NKAIN3: variants seen among roughly 807,000 people sequenced by gnomAD.
NKAIN3 encodes the protein sodium/potassium-transporting ATPase subunit beta-1-interacting protein 3.
In NKAIN3, 25 loss-of-function variants were observed where a neutral mutation model predicts 30.2. That is an observed-to-expected ratio of 0.83 (90% CI 0.60 to 1.16). The LOEUF is 1.16. Ranked by LOEUF, NKAIN3 falls within the 50% of genes most tolerant of loss-of-function variation. The pLI is 0.00. For synonymous variants in NKAIN3, 91 were observed against 89.6 expected, an observed-to-expected ratio of 1.02 and a Z score of -0.09; for missense variants, 225 against 254.1, an observed-to-expected ratio of 0.89 and a Z score of 0.78.
chr8:62,492,376 C>T (rs1004576059), intron 1 of NKAIN3, among the ~76,000 whole-genome samples: 2 of 152,108 alleles, frequency 1.3e-5, no homozygotes, highest in African/African-American at 2.4e-5. Context: ...AGCCCCACCT[C>T]AATTCTACTG....
intron 4 of NKAIN3, among the ~76,000 whole-genome samples, chr8:62,872,434 G>A (rs925252552): frequency 1.3e-5 from 2 of 152,176 alleles, no homozygotes; most frequent in African/African-American, 2.4e-5. Flanking sequence ...GTAACATCTA[G>A]GGTATGTAAA....
At chr8:62,909,491 C>T (rs761244753) in intron 4 of NKAIN3, among the ~76,000 whole-genome samples, 2 of 152,036 alleles carry the variant, frequency 1.3e-5, no homozygotes, top group Non-Finnish European at 2.9e-5. Flanking sequence ...ATGTTATTTA[C>T]TTTGCCTGTG....
chr8:62,403,236 C>T (rs11778088), intron 1 of NKAIN3, among the ~76,000 whole-genome samples: 345 of 152,160 alleles, frequency 2.3e-3, no homozygotes, highest in African/African-American at 4.9e-3. Context: ...AGAGGAAGCA[C>T]GCCTAAAAGT....
At chr8:62,532,631 C>T (rs932019418) in intron 1 of NKAIN3, among the ~76,000 whole-genome samples, 5 of 152,222 alleles carry the variant, frequency 3.3e-5, no homozygotes, top group African/African-American at 9.6e-5. Flanking sequence ...GGATGAACAC[C>T]GTATTGAGCA....
chr8:62,853,585 A>C (rs1171720788), intron 4 of NKAIN3, among the ~76,000 whole-genome samples: 1 of 151,988 alleles, frequency 6.6e-6, no homozygotes, highest in Non-Finnish European at 1.5e-5. Context: ...TGTTTATTTG[A>C]ATCTTCTCTA....
At chr8:62,534,711 G>T (rs973738912) in intron 1 of NKAIN3, among the ~76,000 whole-genome samples, 1 of 152,146 alleles carries the variant, frequency 6.6e-6, no homozygotes, top group Non-Finnish European at 1.5e-5. Context: ...AGAATTAGAA[G>T]AATTTGAATT....
chr8:62,748,915 T>C (rs1337520552), intron 4 of NKAIN3, among the ~76,000 whole-genome samples: 1 of 152,196 alleles, frequency 6.6e-6, no homozygotes, highest in African/African-American at 2.4e-5. Flanking sequence ...GATCCTTTGT[T>C]AATGTAGCCA....
At chr8:62,766,628 G>A (rs767383543) in intron 4 of NKAIN3, among the ~76,000 whole-genome samples, 18 of 152,108 alleles carry the variant, frequency 1.2e-4, no homozygotes, top group Non-Finnish European at 1.3e-4. Flanking sequence ...GAGAAAGGAA[G>A]GAGAAAACCC....
At chr8:62,506,861 T>C (rs1425535706) in intron 1 of NKAIN3, among the ~76,000 whole-genome samples, 3 of 152,082 alleles carry the variant, frequency 2.0e-5, no homozygotes, top group Non-Finnish European at 4.4e-5. Flanking sequence ...CAGAGAACAT[T>C]GGAGATCCCT....
intron 1 of NKAIN3, among the ~76,000 whole-genome samples, chr8:62,552,609 T>G (rs1408232763): frequency 6.6e-6 from 1 of 152,224 alleles, no homozygotes; most frequent in East Asian, 1.9e-4. Flanking sequence ...CCTGCTTCTC[T>G]TTTGTCTGGT....
intron 4 of NKAIN3, among the ~76,000 whole-genome samples, chr8:62,799,919 A>G (rs1373214047): frequency 2.0e-5 from 3 of 152,184 alleles, no homozygotes; most frequent in Admixed American, 2.0e-4. Context: ...GTGGAATTGG[A>G]GGCTATTATT....
chr8:62,955,713 C>T (rs1823401893), intron 6 of NKAIN3, among the ~76,000 whole-genome samples: 1 of 152,184 alleles, frequency 6.6e-6, no homozygotes, highest in South Asian at 2.1e-4. Context: ...AAAGGGTGTT[C>T]TGTGGCATGG....
At chr8:62,508,913 C>T (rs1172499828) in intron 1 of NKAIN3, among the ~76,000 whole-genome samples, 1 of 152,162 alleles carries the variant, frequency 6.6e-6, no homozygotes, top group Non-Finnish European at 1.5e-5. Flanking sequence ...TCATGCTCCT[C>T]GCAATTCAAC....
chr8:62,468,826 G>T (rs1806238865), intron 1 of NKAIN3, among the ~76,000 whole-genome samples: 1 of 152,102 alleles, frequency 6.6e-6, no homozygotes, highest in Non-Finnish European at 1.5e-5. Flanking sequence ...TCATCAGAAT[G>T]AATTTGTCAT....
At chr8:62,569,583 C>A (rs559533037) in intron 1 of NKAIN3, among the ~76,000 whole-genome samples, 1 of 152,190 alleles carries the variant, frequency 6.6e-6, no homozygotes, top group South Asian at 2.1e-4. Flanking sequence ...TGAGAACAGA[C>A]TGGCCATCAT....
At chr8:62,320,561 G>A (rs995043528) in intron 1 of NKAIN3, among the ~76,000 whole-genome samples, 1 of 152,036 alleles carries the variant, frequency 6.6e-6, no homozygotes, top group Non-Finnish European at 1.5e-5. Flanking sequence ...TTGCTTTTCT[G>A]TAAAGGATTT....
At chr8:62,323,368 ATG>A (rs959967640) in intron 1 of NKAIN3, among the ~76,000 whole-genome samples, 1 of 152,204 alleles carries the variant, frequency 6.6e-6, no homozygotes, top group Non-Finnish European at 1.5e-5. Flanking sequence ...ATAGTTAACT[ATG>A]TGTGTAGTCA....
intron 4 of NKAIN3, among the ~76,000 whole-genome samples, chr8:62,846,542 C>G (rs1563590430): frequency 6.6e-6 from 1 of 152,086 alleles, no homozygotes; most frequent in East Asian, 1.9e-4. Flanking sequence ...CATGTGTTCT[C>G]ATCATTCAGC....
chr8:62,634,581 T>A (rs1371241972), intron 3 of NKAIN3, among the ~76,000 whole-genome samples: 1 of 152,222 alleles, frequency 6.6e-6, no homozygotes, highest in Non-Finnish European at 1.5e-5. Flanking sequence ...ACAACTGTTA[T>A]TCTCAGAAAG....
Sources: allele counts gnomAD v4.1 joint callset (sites outside exome capture counted in the v4.1 genomes callset), GRCh38; gene constraint gnomAD v4.1.1; transcripts MANE v1.5; gene names NCBI Gene and HGNC (gene_info 2026-07-23, HGNC 2026-07-21).